The following ZRANB1 variants were observed in gnomAD, a reference collection of about 807,000 sequenced individuals.
ZRANB1 encodes zinc finger RANBP2-type containing 1.
Under a neutral mutation model 80.5 loss-of-function variants are expected in ZRANB1, and 16 were observed. The ratio of observed to expected loss-of-function variants is 0.20; its 90% confidence interval spans 0.13 to 0.30. ZRANB1 has a LOEUF of 0.30. Among genes scored for constraint, ZRANB1 ranks in the 10% least tolerant of loss-of-function variants. ZRANB1 has a pLI of 1.00. For synonymous variants in ZRANB1, 291 were observed against 293.1 expected (o/e 0.99, Z 0.07); for missense variants, 576 against 862.6 (o/e 0.67, Z 4.16).
At chr10:124,922,385 G>A in the ZRANB1 span, among the ~76,000 whole-genome samples, 2 of 147,652 alleles carry the variant, frequency 1.4e-5, no homozygotes, top group East Asian at 2.0e-4. Context: ...GGAGTGTATG[G>A]CATGATCACA....
chr10:124,937,345 C>T (rs1427578442), upstream of ZRANB1, among the ~76,000 whole-genome samples: 1 of 151,924 alleles, frequency 6.6e-6, no homozygotes, highest in Non-Finnish European at 1.5e-5. Context: ...TGCCACCACG[C>T]CCAGCAAGTT....
At chr10:124,959,920 G>A (rs1951719896) in intron 1 of ZRANB1, among the ~76,000 whole-genome samples, 1 of 152,204 alleles carries the variant, frequency 6.6e-6, no homozygotes, top group Non-Finnish European at 1.5e-5. Context: ...AGAGTCAGTG[G>A]AGATGGGGAA....
intron 1 of ZRANB1, among the ~76,000 whole-genome samples, chr10:124,958,968 A>T (rs1482555050): frequency 6.6e-6 from 1 of 152,188 alleles, no homozygotes; most frequent in African/African-American, 2.4e-5. Context: ...GAGCCTTGGC[A>T]CCTGGCCTCA....
Position 124,983,659 on chromosome 10 carries a change from C to A in ZRANB1, c.1879C>A (p.Leu627Ile). The change falls in exon 8 of 9, where the codon CTC becomes ATC. Residue 627 changes from leucine (L) to isoleucine (I), a missense_variant. By Grantham distance (5) the Leu-to-Ile change is conservative (BLOSUM62 2). Transcript: ENST00000359653. This position sits in a 1 kb window ranked among gnomAD's most constrained non-coding sequence, Gnocchi z 6.2. ...TCTGGTTGACAGTGAAAGGAAGCTA[C>A]TCCATGTGCACTTCCTTTCTGCTCA... is the stretch of plus-strand genomic sequence containing the variant. ...LPLVDSERKL[L>I]HVHFLSAQEL... 6.2e-7 allele frequency: 1 copy of A among 1,604,932 alleles called. No individual in the cohort carries two copies.
chr10:124,944,452 C>G lies in ZRANB1; in HGVS notation c.814+1145C>G, dbSNP rs577678818. Among the ~76,000 whole-genome samples, 3 of 149,630 alleles carry G rather than the reference C, an allele frequency of 2.0e-5. No homozygotes were observed. In the East Asian group the frequency reaches 6.0e-4, roughly 30 times the overall value. The stretch of plus-strand genomic sequence containing the variant: ...TCCTAGGAATTGATTTCCAAGAAAT[C>G]GTGAGTTTTAAAATTAAATTATATA... On this transcript the variant is annotated intron_variant, in intron 1 of 8. Transcript: ENST00000359653.
chr10:124,932,433 G>T, the ZRANB1 span, among the ~76,000 whole-genome samples: 1 of 152,018 alleles, frequency 6.6e-6, no homozygotes, highest in South Asian at 2.1e-4. Flanking sequence ...GGAACTACAG[G>T]TACCCGCCAC....
chr10:124,926,697 A>G, the ZRANB1 span, among the ~76,000 whole-genome samples: 1 of 152,204 alleles, frequency 6.6e-6, no homozygotes, highest in Admixed American at 6.5e-5. Flanking sequence ...AACTGGTAAC[A>G]TACTTATTAT....
At chr10:124,975,843 A>G (rs552917797) in intron 5 of ZRANB1, among the ~76,000 whole-genome samples, 1 of 152,264 alleles carries the variant, frequency 6.6e-6, no homozygotes, top group East Asian at 1.9e-4. Flanking sequence ...CTCTACTAAA[A>G]ATACAAAAAT....
intron 1 of ZRANB1, among the ~76,000 whole-genome samples, chr10:124,952,346 G>A (rs1444623148): frequency 6.6e-6 from 1 of 152,212 alleles, no homozygotes; most frequent in African/African-American, 2.4e-5. Context: ...CATGAGAAGA[G>A]AAGCGGAGGC....
chr10:124,925,276 CTGTT>C, the ZRANB1 span, among the ~76,000 whole-genome samples: 1 of 152,010 alleles, frequency 6.6e-6, no homozygotes, highest in Non-Finnish European at 1.5e-5. Flanking sequence ...TTGTTATTGT[CTGTT>C]TTTTTTTTAA....
At chr10:124,926,327 T>A in the ZRANB1 span, among the ~76,000 whole-genome samples, 2 of 152,244 alleles carry the variant, frequency 1.3e-5, no homozygotes, top group Non-Finnish European at 2.9e-5. Flanking sequence ...TTTTAATTTT[T>A]AAAAAAACTT....
intron 5 of ZRANB1, among the ~76,000 whole-genome samples, chr10:124,976,565 C>CTTTTT (rs138858881): frequency 1.3e-5 from 1 of 75,714 alleles, no homozygotes; most frequent in Admixed American, 1.6e-4. Context: ...TGGTAATTTC[C>CTTTTT]TTTTTTTTTT....
the ZRANB1 span, among the ~76,000 whole-genome samples, chr10:124,925,972 A>G: frequency 6.6e-6 from 1 of 152,242 alleles, no homozygotes; most frequent in Non-Finnish European, 1.5e-5. Context: ...TGTTGTTCCT[A>G]GGCCATAAAC....
At chr10:124,973,607 G>A in intron 3 of ZRANB1, 38 bp from the exon 4 acceptor site, 1 of 1,564,402 alleles carries the variant, frequency 6.4e-7, no homozygotes, top group Non-Finnish European at 8.7e-7. Flanking sequence ...TGTAAGTTAT[G>A]AAACAAAAGA....
chr10:124,962,010 A>G (rs944781798), intron 1 of ZRANB1, among the ~76,000 whole-genome samples: 2 of 152,198 alleles, frequency 1.3e-5, no homozygotes, highest in Admixed American at 6.5e-5. Context: ...TGCCTACTTG[A>G]AGGTACACTT....
At chr10:124,981,861 G>A in intron 6 of ZRANB1, 32 bp downstream of exon 6, 1 of 1,611,102 alleles carries the variant, frequency 6.2e-7, no homozygotes, top group Non-Finnish European at 8.5e-7. Context: ...TTGCTTCTAT[G>A]AGAAAAGTAA....
intron 1 of ZRANB1, among the ~76,000 whole-genome samples, chr10:124,964,047 C>T (rs2134278089): frequency 6.6e-6 from 1 of 152,286 alleles, no homozygotes; most frequent in East Asian, 1.9e-4. Flanking sequence ...GGGGAATGGG[C>T]AGTATGCCCG....
chr10:124,960,488 A>G (rs1257645992), intron 1 of ZRANB1, among the ~76,000 whole-genome samples: 4 of 152,074 alleles, frequency 2.6e-5, no homozygotes, highest in African/African-American at 7.2e-5. Flanking sequence ...TTGGAGTGCA[A>G]TGGCGTGATC....
intron 5 of ZRANB1, 165 bp from the exon 6 acceptor site, chr10:124,981,544 G>A (rs2133996789): frequency 1.7e-6 from 1 of 588,594 alleles, no homozygotes. Context: ...AGTGGAAGAG[G>A]GAGGCATTTT....
Sources: gnomAD v4.1 joint callset for allele counts (sites outside exome capture counted in the v4.1 genomes callset) on GRCh38, gnomAD v4.1.1 for gene constraint, Gnocchi (gnomAD v3.1) non-coding constraint, MANE v1.5 for transcripts, NCBI Gene and HGNC (gene_info 2026-07-23, HGNC 2026-07-21) for gene names.